Variants in PTPN2 observed in about 807,000 individuals in gnomAD.
The protein encoded by PTPN2 is tyrosine-protein phosphatase non-receptor type 2.
In PTPN2, 19 loss-of-function variants were observed where a neutral mutation model predicts 57.3. That is an observed-to-expected ratio of 0.33 (90% CI 0.23 to 0.49). PTPN2 has a LOEUF of 0.49. Ranked by LOEUF, PTPN2 falls within the 20% of genes least tolerant of loss-of-function variation. The probability of loss-of-function intolerance (pLI) is 0.99; values close to 1 mark genes in which losing one functional copy is unlikely to be tolerated. For synonymous variants in PTPN2, 153 were observed against 164.9 expected, an observed-to-expected ratio of 0.93 and a Z score of 0.55; for missense variants, 358 against 501.1, an observed-to-expected ratio of 0.71 and a Z score of 2.73.
chr18:12,807,807 G>GA (rs2041739281), intron 7 of PTPN2, among the ~76,000 whole-genome samples: 1 of 151,420 alleles, frequency 6.6e-6, no homozygotes, highest in Non-Finnish European at 1.5e-5. Context: ...GGGAAGAGGG[G>GA]GCATAGTGAG....
intron 5 of PTPN2, 86 bp downstream of exon 5, chr18:12,825,724 G>A: frequency 1.5e-6 from 2 of 1,324,838 alleles, no homozygotes; most frequent in Admixed American, 2.0e-5. Flanking sequence ...AAATGCATGT[G>A]CTTATCAAAC....
chr18:12,830,520 T>C (rs1420811484), intron 4 of PTPN2, among the ~76,000 whole-genome samples: 1 of 152,190 alleles, frequency 6.6e-6, no homozygotes, highest in Non-Finnish European at 1.5e-5. Flanking sequence ...TGGCATGTCA[T>C]TGCCACATCT....
intron 2 of PTPN2, among the ~76,000 whole-genome samples, chr18:12,839,243 G>A (rs769455172): frequency 3.9e-5 from 6 of 152,164 alleles, no homozygotes; most frequent in African/African-American, 1.2e-4. Flanking sequence ...ACACGGTTTC[G>A]AGTTTGTGAG....
chr18:12,872,693 C>T (rs1373877745), intron 1 of PTPN2, among the ~76,000 whole-genome samples: 2 of 151,418 alleles, frequency 1.3e-5, no homozygotes, highest in Admixed American at 1.3e-4. Context: ...TGTATTTGTG[C>T]GGACATTTCC....
Position 12,792,982 on chromosome 18 carries a change from C to T in PTPN2, c.*1296G>A. 1 of 984,396 alleles carries T rather than the reference C, an allele frequency of 1.0e-6. No individual in the cohort carries two copies. Among genetic ancestry groups the T allele is most frequent in the Non-Finnish European group, 1.2e-6 (1 of 828,992 alleles). 61.0% of individuals were successfully genotyped at this position (984,396 alleles called of 1,614,324 possible). On this transcript the variant is annotated 3_prime_UTR_variant, in exon 9 of 9. Coordinates refer to ENST00000309660, the MANE Select transcript of PTPN2 (RefSeq NM_002828.4). Reference sequence around the variant, plus strand: ...CATATAAAGAGACAAGGCAGAGATGCTGTGGTTGAAAGTAACCTCTTGACC... The same window carrying T: ...CATATAAAGAGACAAGGCAGAGATGTTGTGGTTGAAAGTAACCTCTTGACC...
intron 7 of PTPN2, among the ~76,000 whole-genome samples, chr18:12,802,654 T>C (rs1045308303): frequency 6.6e-6 from 1 of 152,200 alleles, no homozygotes; most frequent in Non-Finnish European, 1.5e-5. Flanking sequence ...ACCTGGCAGG[T>C]TGCTATTAAC....
chr18:12,829,814 C>T (rs1359206604), intron 4 of PTPN2, among the ~76,000 whole-genome samples: 3 of 152,114 alleles, frequency 2.0e-5, no homozygotes, highest in Non-Finnish European at 4.4e-5. Context: ...AGAAGCTGAA[C>T]ACTGACCAAT....
At chr18:12,864,954 A>C (rs2045977888) in intron 1 of PTPN2, among the ~76,000 whole-genome samples, 1 of 113,026 alleles carries the variant, frequency 8.8e-6, no homozygotes, top group South Asian at 3.6e-4. Context: ...CCTAAATGGT[A>C]CTGTTTAAAT....
chr18:12,832,817 T>C (rs1056260056), intron 3 of PTPN2, among the ~76,000 whole-genome samples: 2 of 152,240 alleles, frequency 1.3e-5, no homozygotes, highest in African/African-American at 4.8e-5. Context: ...AGCTGGAGTC[T>C]TGCTCTGTTG....
chr18:12,874,654 C>A (rs1397630143), intron 1 of PTPN2, among the ~76,000 whole-genome samples: 1 of 145,498 alleles, frequency 6.9e-6, no homozygotes, highest in African/African-American at 2.6e-5. Flanking sequence ...GCCCCCCGCC[C>A]GGCCAGCCGC....
At chr18:12,835,261 C>T (rs2042814344) in intron 3 of PTPN2, among the ~76,000 whole-genome samples, 1 of 152,014 alleles carries the variant, frequency 6.6e-6, no homozygotes, top group African/African-American at 2.4e-5. Flanking sequence ...AGTCTCTATT[C>T]CCAAGCTCCA....
chr18:12,814,558 G>A (rs761924875), intron 6 of PTPN2, among the ~76,000 whole-genome samples: 3 of 152,148 alleles, frequency 2.0e-5, no homozygotes, highest in Non-Finnish European at 4.4e-5. Context: ...CCCTCAAGTA[G>A]TTGGAGGACT....
At chr18:12,836,275 G>A (rs1460188652) in intron 3 of PTPN2, among the ~76,000 whole-genome samples, 1 of 152,216 alleles carries the variant, frequency 6.6e-6, no homozygotes, top group African/African-American at 2.4e-5. Context: ...GAGGCAACTG[G>A]GCAGAAGGCC....
intron 3 of PTPN2, among the ~76,000 whole-genome samples, chr18:12,836,265 G>A (rs2042862613): frequency 6.6e-6 from 1 of 152,230 alleles, no homozygotes; most frequent in Non-Finnish European, 1.5e-5. Context: ...GATGCGCTCA[G>A]AGGCAACTGG....
At chr18:12,819,404 A>G (rs1430065423) in intron 5 of PTPN2, 2 of 422,410 alleles carry the variant, frequency 4.7e-6, no homozygotes, top group Admixed American at 9.1e-5. Context: ...GCTATATACT[A>G]TACTATTCCA....
At chr18:12,805,921 C>A (rs1223891693) in intron 7 of PTPN2, among the ~76,000 whole-genome samples, 3 of 152,126 alleles carry the variant, frequency 2.0e-5, no homozygotes, top group African/African-American at 4.8e-5. Flanking sequence ...AGCCACCGCA[C>A]CGGGCTAGGA....
chr18:12,786,525 G>A (rs1478950265), intron 9 of PTPN2: 2 of 152,166 alleles, frequency 1.3e-5, no homozygotes, highest in Non-Finnish European at 1.5e-5. Context: ...AGCAACAGAT[G>A]GATGGAATGA....
At chr18:12,789,917 G>C (rs1280812072), downstream of PTPN2, among the ~76,000 whole-genome samples, 11 of 151,020 alleles carry the variant, frequency 7.3e-5, no homozygotes. Context: ...ATGAGAGACA[G>C]AGAGAGAGAG....
chr18:12,832,532 G>T lies in PTPN2; in HGVS notation c.262-1491C>A, dbSNP rs112746230. On this transcript the variant is annotated intron_variant, in intron 3 of 8. Coordinates refer to ENST00000309660, the MANE Select transcript of PTPN2 (RefSeq NM_002828.4). ...GTAAAAATGCTAGAAGTCTACTGAG[G>T]ATCCTGACAAACTACAACCTAATAT... Among the ~76,000 whole-genome samples, 373 of 152,300 alleles carry T rather than the reference G, an allele frequency of 2.4e-3. 5 individuals carry two copies. Among genetic ancestry groups the T allele is most frequent in the African/African-American group, 8.6e-3 (359 of 41,568 alleles).
Sources: gnomAD v4.1 joint callset for allele counts (sites outside exome capture counted in the v4.1 genomes callset) on GRCh38, gnomAD v4.1.1 for gene constraint, MANE v1.5 for transcripts, NCBI Gene and HGNC (gene_info 2026-07-23, HGNC 2026-07-21) for gene names.